PNPLA8: variants seen among roughly 807,000 people sequenced by gnomAD.
PNPLA8 encodes the protein calcium-independent phospholipase A2-gamma.
PNPLA8 carries 39 observed loss-of-function variants against 76.9 expected under a neutral mutation model. The ratio of observed to expected loss-of-function variants is 0.51; its 90% confidence interval spans 0.39 to 0.66. The LOEUF (loss-of-function observed/expected upper bound fraction) is 0.66. PNPLA8 is among the 30% of genes least tolerant of loss of function. PNPLA8 has a pLI of 0.00. For synonymous variants in PNPLA8, 301 were observed against 307.9 expected (o/e 0.98, Z 0.24); for missense variants, 887 against 918.0 (o/e 0.97, Z 0.44).
chr7:108,498,142 A>T (rs1244445493), intron 5 of PNPLA8, among the ~76,000 whole-genome samples: 5 of 151,636 alleles, frequency 3.3e-5, no homozygotes, highest in Non-Finnish European at 7.4e-5. Flanking sequence ...ACAAAAAAAA[A>T]AACAAAAAAA....
At chr7:108,506,165 G>T (rs1049165030) in intron 4 of PNPLA8, among the ~76,000 whole-genome samples, 1 of 152,146 alleles carries the variant, frequency 6.6e-6, no homozygotes, top group African/African-American at 2.4e-5. Flanking sequence ...ATTACTTGAG[G>T]TCAGGAGTTG....
Position 108,514,422 on chromosome 7 carries a change from A to G in PNPLA8, c.1056+14T>C. ...AAAAAGTAATAGAACCGAAAAGCAC[A>G]CTGAACAACTTGCCTTTTCTCGCTG... On this transcript the variant is annotated intron_variant, in intron 3 of 10. Transcript: ENST00000257694. 1.3e-6 allele frequency: 2 copies of G among 1,591,794 alleles called. No homozygotes were observed. The highest frequency in any genetic ancestry group is 1.7e-6 in the Non-Finnish European group (2 of 1,170,280).
intron 2 of PNPLA8, among the ~76,000 whole-genome samples, chr7:108,520,255 A>G (rs939338232): frequency 1.3e-5 from 2 of 152,246 alleles, no homozygotes; most frequent in Non-Finnish European, 2.9e-5. Flanking sequence ...ACTTACAGTC[A>G]ATAAGATAAG....
rs768108087 is a variant in PNPLA8 at position 108,502,659 on chromosome 7, G to C, written c.1207-17C>G. ...AATTCTTTCCTATATTGAGAGAAAA[G>C]ATACTTTGTTGCTTTTGTCAAATCA... is the stretch of plus-strand genomic sequence containing the variant. On this transcript the variant is annotated splice_polypyrimidine_tract_variant and intron_variant, in intron 4 of 10. Coordinates refer to ENST00000257694, the MANE Select transcript of PNPLA8 (RefSeq NM_001256007.3). 3 of 1,586,968 alleles carry C rather than the reference G, an allele frequency of 1.9e-6. No homozygotes were observed. The highest frequency in any genetic ancestry group is 1.4e-5 in the African/African-American group (1 of 73,998).
At chr7:108,521,433 G>A in intron 2 of PNPLA8, 43 bp downstream of exon 2, 1 of 448,382 alleles carries the variant, frequency 2.2e-6, no homozygotes, top group Non-Finnish European at 3.0e-6. Context: ...ATTAATTATG[G>A]ATAAAAAGGA....
chr7:108,515,714 A>C, intron 2 of PNPLA8, 140 bp from the exon 3 acceptor site: 1 of 353,940 alleles, frequency 2.8e-6, no homozygotes, highest in Non-Finnish European at 4.8e-6. Context: ...AGCTGATAGA[A>C]AATTCATTTT....
chr7:108,484,203 T>C (rs1387338073), intron 9 of PNPLA8, among the ~76,000 whole-genome samples: 1 of 152,204 alleles, frequency 6.6e-6, no homozygotes, highest in East Asian at 1.9e-4. Context: ...CCTTCAACTT[T>C]ACTCACTTTT....
At chr7:108,525,220 G>A (rs1444269663) in intron 1 of PNPLA8, among the ~76,000 whole-genome samples, 2 of 152,162 alleles carry the variant, frequency 1.3e-5, no homozygotes, top group Non-Finnish European at 2.9e-5. Context: ...GCCTCACAAG[G>A]CATAAGCTCT....
chr7:108,480,332 C>T (rs1253073365), intron 9 of PNPLA8, among the ~76,000 whole-genome samples: 1 of 152,160 alleles, frequency 6.6e-6, no homozygotes, highest in Non-Finnish European at 1.5e-5. Context: ...CACACCACTG[C>T]ACTCTAGCCT....
Position 108,505,063 on chromosome 7 carries a change from G to A in PNPLA8, c.1207-2421C>T, listed in dbSNP as rs1035121863. 2.6e-5 allele frequency among the ~76,000 whole-genome samples: 4 copies of A among 151,606 alleles called. No individual in the cohort carries two copies. In the South Asian group the frequency reaches 6.3e-4, roughly 24 times the overall value. On this transcript the variant is annotated intron_variant, in intron 4 of 10. Transcript: ENST00000257694. Reference sequence around the variant, plus strand: ...GCACTCCAGCCTGGGCAACAAGAGCGAAACTCCATCTCAAAAAATACATAA... The same window carrying A: ...GCACTCCAGCCTGGGCAACAAGAGCAAAACTCCATCTCAAAAAATACATAA...
intron 3 of PNPLA8, 30 bp from the exon 4 acceptor site, chr7:108,514,323 A>G (rs754413146): frequency 1.9e-6 from 3 of 1,578,476 alleles, no homozygotes; most frequent in African/African-American, 1.4e-5. Flanking sequence ...AGATATGATT[A>G]GAATACAAAA....
chr7:108,518,596 AG>A (rs1863506147), intron 2 of PNPLA8, among the ~76,000 whole-genome samples: 1 of 151,842 alleles, frequency 6.6e-6, no homozygotes, highest in Non-Finnish European at 1.5e-5. Flanking sequence ...TGCGTGTGTC[AG>A]GGTAGGGGGT....
intron 10 of PNPLA8, 49 bp downstream of exon 10, chr7:108,479,135 G>A: frequency 7.4e-7 from 1 of 1,345,028 alleles, no homozygotes; most frequent in Non-Finnish European, 1.1e-6. Flanking sequence ...CCAAAAAACT[G>A]CTAGAATGCT....
At chr7:108,527,055 A>G (rs189375092), upstream of PNPLA8, among the ~76,000 whole-genome samples, 211 of 152,336 alleles carry the variant, frequency 1.4e-3, no homozygotes, top group Non-Finnish European at 2.4e-3. Context: ...ACCCTCTTGA[A>G]GTGACCTTGC....
chr7:108,496,040 C>A (rs2154515575), intron 7 of PNPLA8, among the ~76,000 whole-genome samples: 1 of 152,114 alleles, frequency 6.6e-6, no homozygotes, highest in Non-Finnish European at 1.5e-5. Flanking sequence ...AGGTTAGGAG[C>A]CTGAGCAACA....
intron 10 of PNPLA8, among the ~76,000 whole-genome samples, chr7:108,476,000 C>T (rs907244641): frequency 6.6e-6 from 1 of 152,170 alleles, no homozygotes; most frequent in African/African-American, 2.4e-5. Flanking sequence ...ATCAAGTCTA[C>T]TTTATGTCTT....
chr7:108,496,274 A>G (rs943372147), intron 7 of PNPLA8, among the ~76,000 whole-genome samples: 2 of 152,162 alleles, frequency 1.3e-5, no homozygotes, highest in African/African-American at 4.8e-5. Context: ...AATATTTTAG[A>G]ATGACTTGAG....
At chr7:108,505,017 G>A (rs1426392741) in intron 4 of PNPLA8, among the ~76,000 whole-genome samples, 1 of 151,756 alleles carries the variant, frequency 6.6e-6, no homozygotes, top group South Asian at 2.1e-4. Context: ...CAGAGGTTGT[G>A]GTGAGCCAAG....
chr7:108,515,100 G>C lies in PNPLA8; in HGVS notation c.392C>G (p.Pro131Arg), dbSNP rs370181197. The C allele has an allele frequency of 6.2e-7, 1 of 1,606,382 alleles. No individual in the cohort carries two copies. Among genetic ancestry groups the C allele is most frequent in the African/African-American group, 1.3e-5 (1 of 74,376 alleles). Residue 131 changes from proline to arginine, a missense_variant, in exon 3 of 11, where the codon CCA becomes CGA. By Grantham distance (103) the Pro-to-Arg change is moderately radical. Coordinates refer to ENST00000257694, the MANE Select transcript of PNPLA8 (RefSeq NM_001256007.3). ...TACTTTTCTTAAAATTTGGGAACTT[G>C]GCTTAAATTGAGCTAAACGTGAAAT... is the stretch of plus-strand genomic sequence containing the variant. ...EMISRLAQFKPSSQILRKVSD... is the reference protein window; with the variant it reads ...EMISRLAQFKRSSQILRKVSD...
Sources: allele counts gnomAD v4.1 joint callset (sites outside exome capture counted in the v4.1 genomes callset), GRCh38; gene constraint gnomAD v4.1.1; transcripts MANE v1.5; gene names NCBI Gene and HGNC (gene_info 2026-07-23, HGNC 2026-07-21).